RHOBTB2: variants seen among roughly 807,000 people sequenced by gnomAD.
RHOBTB2 encodes Rho related BTB domain containing 2.
RHOBTB2 carries 39 observed loss-of-function variants against 66.5 expected under a neutral mutation model. That is an observed-to-expected ratio of 0.59 (90% CI 0.45 to 0.77). The LOEUF (loss-of-function observed/expected upper bound fraction) is 0.77, where lower values mean the gene tolerates loss of function less well. Ranked by LOEUF, RHOBTB2 falls within the 30% of genes least tolerant of loss-of-function variation. The probability of loss-of-function intolerance (pLI) is 0.00; values close to 1 mark genes in which losing one functional copy is unlikely to be tolerated. For missense variants in RHOBTB2, 755 were observed against 999.1 expected (o/e 0.76, Z 3.29); for synonymous variants, 390 against 395.0 (o/e 0.99, Z 0.15).
In RHOBTB2 at chr8:22,999,681, G is replaced by T; in HGVS notation, c.-435G>T. On this transcript the variant is annotated 5_prime_UTR_variant, in exon 1 of 10. Transcript: ENST00000251822. ...AAAAAGGAGGTCGCGAGCGGTACCTGGGACTGCAGCGCCAGGCGTCTTCGC... is the reference window on the plus strand; with the variant it reads ...AAAAAGGAGGTCGCGAGCGGTACCTTGGACTGCAGCGCCAGGCGTCTTCGC... The T allele has an allele frequency of 8.2e-7, 1 of 1,219,878 alleles. No homozygotes were observed. The highest frequency in any genetic ancestry group is 1.7e-5 in the African/African-American group (1 of 60,158). 75.6% of individuals were successfully genotyped at this position (1,219,878 alleles called of 1,614,324 possible).
At chr8:22,978,540 G>A in the RHOBTB2 span, among the ~76,000 whole-genome samples, 5,418 of 148,106 alleles carry the variant, frequency 0.037, 157 homozygotes, top group Admixed American at 0.067. Flanking sequence ...CAATTGTTAA[G>A]TTTAGGTAAG....
At chr8:22,962,179 CAAAAAAAAAAAAAAAAAAA>C in the RHOBTB2 span, among the ~76,000 whole-genome samples, 7 of 13,838 alleles carry the variant, frequency 5.1e-4, no homozygotes, top group Admixed American at 1.4e-3. Context: ...AACGAATTTA[CAAAAAAAAAAAAAAAAAAA>C]AAAAAAAAAA....
intron 1 of RHOBTB2, among the ~76,000 whole-genome samples, chr8:22,988,088 T>C (rs1243864346): frequency 1.3e-5 from 2 of 150,570 alleles, no homozygotes; most frequent in Non-Finnish European, 3.0e-5. Context: ...TCATGCCCAC[T>C]CTATCTCCTG....
At chr8:22,975,918 C>A in the RHOBTB2 span, among the ~76,000 whole-genome samples, 1 of 152,066 alleles carries the variant, frequency 6.6e-6, no homozygotes, top group East Asian at 1.9e-4. Context: ...GAGGCCAATG[C>A]GGGCGGATCA....
At chr8:22,958,322 T>A in the RHOBTB2 span, among the ~76,000 whole-genome samples, 1 of 152,178 alleles carries the variant, frequency 6.6e-6, no homozygotes, top group Non-Finnish European at 1.5e-5. Flanking sequence ...CCTGGAAAAG[T>A]GAAGACTGGA....
the RHOBTB2 span, among the ~76,000 whole-genome samples, chr8:22,954,774 C>T: frequency 6.6e-6 from 1 of 152,168 alleles, no homozygotes; most frequent in African/African-American, 2.4e-5. Context: ...AAAAAAACCA[C>T]AAACTGTACC....
rs150304103 is a variant in RHOBTB2 at position 23,007,069 on chromosome 8, G to A, written c.824G>A (p.Arg275Gln). 19 of 1,610,596 alleles carry A rather than the reference G, an allele frequency of 1.2e-5. No individual in the cohort carries two copies. The African/African-American group carries it at 1.6e-4, about 14-fold the overall frequency. ...GACGTCATCCTGGTGCTGCAGGAGC[G>A]GGTGCGCATCTTTGCCCACAAGATC... is the stretch of plus-strand genomic sequence containing the variant. ...CADVILVLQE[R>Q]VRIFAHKIYL... Residue 275 changes from arginine (R) to glutamine (Q), a missense_variant, in exon 5 of 10, where the codon CGG (arginine) becomes CAG (glutamine). Arg to Gln is a conservative substitution (Grantham distance 43, BLOSUM62 1). Around this residue, in one of 7 missense-constraint regions of RHOBTB2, gnomAD observed 247 missense variants for 238.9 expected, o/e 1.03. Transcript: ENST00000251822.
the RHOBTB2 span, among the ~76,000 whole-genome samples, chr8:22,961,744 C>T: frequency 6.6e-6 from 1 of 152,176 alleles, no homozygotes; most frequent in East Asian, 1.9e-4. Flanking sequence ...CTTCAGTCTT[C>T]CCAAAAATTC....
Position 23,000,015 on chromosome 8 carries a change from G to A in RHOBTB2, c.-101G>A, listed in dbSNP as rs1016916003. The A allele has an allele frequency of 1.0e-6, 1 of 985,480 alleles. No homozygotes were observed. Among genetic ancestry groups the A allele is most frequent in the African/African-American group, 1.7e-5 (1 of 57,242 alleles). The allele number at this position is 985,480 out of a possible 1,614,324, so 61.0% of individuals were successfully genotyped here. On this transcript the variant is annotated 5_prime_UTR_variant, in exon 1 of 10. Transcript: ENST00000251822. ...GGCGTCGTCCCAACTTGCAGGCGCG[G>A]AGGGACCCCTGACATTTCACTAAAA... is the stretch of plus-strand genomic sequence containing the variant.
At position 23,007,578 on chromosome 8, in the gene RHOBTB2, C is replaced by T. The variant is rs761341028; in HGVS notation, c.1333C>T (p.Leu445Phe). The T allele has an allele frequency of 1.2e-6, 2 of 1,614,216 alleles. No individual in the cohort carries two copies. The highest frequency in any genetic ancestry group is 1.7e-6 in the Non-Finnish European group (2 of 1,180,046). ...GGAGCTAGATGAGAACGAGCGTGAC[C>T]TCATGCACATTGCCCACATTGCTGA... is the stretch of plus-strand genomic sequence containing the variant. ...TGELDENERD[L>F]MHIAHIAELL... is the part of the protein sequence containing the mutation. The change falls in exon 5 of 10, where the codon CTC (leucine) becomes TTC (phenylalanine). Residue 445 changes from leucine (L) to phenylalanine (F), a missense_variant. By Grantham distance (22) the Leu-to-Phe change is conservative. Around this residue, in one of 7 missense-constraint regions of RHOBTB2, gnomAD observed 353 missense variants for 458.2 expected, o/e 0.77. Transcript: ENST00000251822.
At chr8:22,971,207 C>T in the RHOBTB2 span, among the ~76,000 whole-genome samples, 1 of 151,344 alleles carries the variant, frequency 6.6e-6, no homozygotes, top group South Asian at 2.1e-4. Context: ...TTTTAAGAGA[C>T]AAGATCTCAT....
At chr8:22,967,751 T>C in the RHOBTB2 span, among the ~76,000 whole-genome samples, 1 of 150,822 alleles carries the variant, frequency 6.6e-6, no homozygotes, top group South Asian at 2.1e-4. Context: ...GTTAAAGGAG[T>C]ATAGAGTCGT....
At chr8:22,961,929 C>T in the RHOBTB2 span, among the ~76,000 whole-genome samples, 6 of 151,810 alleles carry the variant, frequency 4.0e-5, no homozygotes, top group African/African-American at 1.5e-4. Flanking sequence ...GAATAAATTG[C>T]ATAATACTAT....
chr8:22,973,780 A>C, the RHOBTB2 span, among the ~76,000 whole-genome samples: 2 of 152,170 alleles, frequency 1.3e-5, no homozygotes, highest in African/African-American at 2.4e-5. Context: ...CAGAGGGAAG[A>C]GGCAAAGTCT....
At chr8:22,966,979 T>C in the RHOBTB2 span, among the ~76,000 whole-genome samples, 1 of 152,196 alleles carries the variant, frequency 6.6e-6, no homozygotes, top group Non-Finnish European at 1.5e-5. Context: ...GTAGCTGCTA[T>C]GCAAACCAGT....
chr8:23,007,985 C>T lies in RHOBTB2; in HGVS notation c.1502-8C>T. 6.2e-7 allele frequency: 1 copy of T among 1,611,972 alleles called. No individual in the cohort carries two copies. Among genetic ancestry groups the T allele is most frequent in the Non-Finnish European group, 8.5e-7 (1 of 1,178,184 alleles). ...CACCAGTCCTCCTGTGATGCTTCTTCTGGACAGATGTGACCTTCATCCTGG... is the reference window on the plus strand; with the variant it reads ...CACCAGTCCTCCTGTGATGCTTCTTTTGGACAGATGTGACCTTCATCCTGG... On this transcript the variant is annotated splice_polypyrimidine_tract_variant and splice_region_variant and intron_variant, in intron 5 of 9. Coordinates refer to ENST00000251822, the MANE Select transcript of RHOBTB2 (RefSeq NM_015178.3).
the RHOBTB2 span, among the ~76,000 whole-genome samples, chr8:22,975,548 A>T: frequency 6.6e-6 from 1 of 152,168 alleles, no homozygotes; most frequent in Non-Finnish European, 1.5e-5. Flanking sequence ...AAAATGCAGA[A>T]GCGAAAGGAG....
chr8:22,982,349 G>A, the RHOBTB2 span, among the ~76,000 whole-genome samples: 10 of 152,272 alleles, frequency 6.6e-5, no homozygotes, highest in Middle Eastern at 3.4e-3. Context: ...GGCCAGGCTC[G>A]ATGGCTCATG....
chr8:22,984,560 G>A (rs1810260214), upstream of RHOBTB2: 1 of 152,232 alleles, frequency 6.6e-6, no homozygotes, highest in Non-Finnish European at 1.5e-5. Flanking sequence ...TTTAAACCCA[G>A]ACAGCTGGAC....
Sources: allele counts gnomAD v4.1 joint callset (sites outside exome capture counted in the v4.1 genomes callset), GRCh38; gene constraint gnomAD v4.1.1; regional missense constraint gnomAD v4.1.1; transcripts MANE v1.5; gene names NCBI Gene and HGNC (gene_info 2026-07-23, HGNC 2026-07-21).